Variants in ITGB6 observed in about 807,000 individuals in gnomAD.
ITGB6 encodes integrin beta-6.
In ITGB6, 80 loss-of-function variants were observed where a neutral mutation model predicts 84.5. The ratio of observed to expected loss-of-function variants is 0.95; its 90% CI spans 0.79 to 1.14. ITGB6 has a LOEUF of 1.14. Ranked by LOEUF, ITGB6 falls within the 50% of genes most tolerant of loss-of-function variation. The probability of loss-of-function intolerance (pLI) is 0.00; values close to 1 mark genes in which losing one functional copy is unlikely to be tolerated. For synonymous variants in ITGB6, 383 were observed against 354.9 expected, an observed-to-expected ratio of 1.08 and a Z score of -0.89; for missense variants, 1,006 against 968.0, an observed-to-expected ratio of 1.04 and a Z score of -0.52.
At position 160,169,687 on chromosome 2, in the gene ITGB6, G is replaced by A. The variant is rs188055457; in HGVS notation, c.922-380C>T. On this transcript the variant is annotated intron_variant, in intron 6 of 14. Transcript: ENST00000283249. ...GCAGGCTAGGAATTCCTCAGTCGAG[G>A]GAGGGGCTGTTGGACTATAATATAC... Among the ~76,000 whole-genome samples, 12 of 152,326 alleles carry A rather than the reference G, an allele frequency of 7.9e-5. No homozygotes were observed. The East Asian group carries it at 2.3e-3, about 29-fold the overall frequency.
intron 7 of ITGB6, among the ~76,000 whole-genome samples, chr2:160,164,146 G>T (rs1684917667): frequency 6.6e-6 from 1 of 152,130 alleles, no homozygotes; most frequent in South Asian, 2.1e-4. Context: ...CCCTCATTCT[G>T]TTTTTATAGG....
At chr2:160,174,701 T>C (rs569994114) in intron 4 of ITGB6, among the ~76,000 whole-genome samples, 1 of 152,298 alleles carries the variant, frequency 6.6e-6, no homozygotes, top group South Asian at 2.1e-4. Flanking sequence ...CTACTTAAGG[T>C]ACAATGTTAC....
intron 4 of ITGB6, among the ~76,000 whole-genome samples, chr2:160,176,278 G>T (rs960752344): frequency 2.0e-5 from 3 of 152,196 alleles, no homozygotes; most frequent in Non-Finnish European, 4.4e-5. Flanking sequence ...AGCTCTGGAA[G>T]TGTGTTGGCC....
intron 5 of ITGB6, among the ~76,000 whole-genome samples, chr2:160,173,296 G>A (rs1292842968): frequency 1.3e-5 from 2 of 152,122 alleles, no homozygotes; most frequent in African/African-American, 4.8e-5. Context: ...GTTTAGTAAA[G>A]CCCTCCCCTT....
chr2:160,190,776 G>A (rs1229465510), intron 4 of ITGB6, among the ~76,000 whole-genome samples: 1 of 152,178 alleles, frequency 6.6e-6, no homozygotes, highest in African/African-American at 2.4e-5. Flanking sequence ...TCAAGATGCT[G>A]GGATACTAGT....
At position 160,180,082 on chromosome 2, in the gene ITGB6, T is replaced by C. The variant is rs1050004821; in HGVS notation, c.594-5943A>G. On this transcript the variant is annotated intron_variant, in intron 4 of 14. Coordinates refer to ENST00000283249, the MANE Select transcript of ITGB6 (RefSeq NM_000888.5). ...GAGCCAAGATCATGCCATTGCACTCTAGCCTGGTCATCAAGAGTGAAACTC... is the reference window on the plus strand; with the variant it reads ...GAGCCAAGATCATGCCATTGCACTCCAGCCTGGTCATCAAGAGTGAAACTC... 4.1e-4 allele frequency among the ~76,000 whole-genome samples: 59 copies of C among 144,056 alleles called. 1 individual carries two copies. The highest frequency in any genetic ancestry group is 1.6e-3 in the African/African-American group (59 of 37,910). The allele number at this position is 144,056 out of a possible 152,430, so 94.5% of individuals were successfully genotyped here.
intron 12 of ITGB6, among the ~76,000 whole-genome samples, chr2:160,114,655 G>A (rs895365064): frequency 6.6e-6 from 1 of 152,176 alleles, no homozygotes; most frequent in Non-Finnish European, 1.5e-5. Context: ...GACAGTGGGT[G>A]CAGGTCAGTG....
At chr2:160,157,009 A>C (rs1193696670) in intron 7 of ITGB6, among the ~76,000 whole-genome samples, 1 of 152,140 alleles carries the variant, frequency 6.6e-6, no homozygotes, top group Non-Finnish European at 1.5e-5. Flanking sequence ...TGGAGGCTGG[A>C]AGTCTGAGCT....
At chr2:160,185,486 T>C (rs541094585) in intron 4 of ITGB6, among the ~76,000 whole-genome samples, 2 of 152,250 alleles carry the variant, frequency 1.3e-5, no homozygotes, top group Non-Finnish European at 2.9e-5. Context: ...CAAAAACAAA[T>C]GGAAAAACAT....
chr2:160,149,979 G>T (rs1302932156), intron 7 of ITGB6, among the ~76,000 whole-genome samples: 1 of 152,224 alleles, frequency 6.6e-6, no homozygotes, highest in East Asian at 1.9e-4. Flanking sequence ...ATCTATGTCT[G>T]ATTGGTGTAC....
At chr2:160,159,295 C>T (rs116771603) in intron 7 of ITGB6, among the ~76,000 whole-genome samples, 2,282 of 152,230 alleles carry the variant, frequency 0.015, 58 homozygotes, top group African/African-American at 0.052. Context: ...GTGTAGCCTA[C>T]ACATTGGGTT....
At chr2:160,172,474 CACCAAGTGTATGTTATTTCACATGTATT>C in intron 6 of ITGB6, 67 bp downstream of exon 6, 3 of 1,209,262 alleles carry the variant, frequency 2.5e-6, no homozygotes, top group Non-Finnish European at 2.3e-6. Context: ...GCACTGCTTT[CACCAAGTGTATGTTATTTCACATGTATT>C]ACACTAGTTG....
At chr2:160,180,130 A>G (rs201944160) in intron 4 of ITGB6, among the ~76,000 whole-genome samples, 1 of 145,268 alleles carries the variant, frequency 6.9e-6, no homozygotes, top group East Asian at 2.4e-4. Context: ...AAAAAAAAAC[A>G]AACAAAAAAA....
At chr2:160,155,626 T>C (rs1206402691) in intron 7 of ITGB6, among the ~76,000 whole-genome samples, 3 of 152,072 alleles carry the variant, frequency 2.0e-5, no homozygotes, top group Non-Finnish European at 4.4e-5. Context: ...GCTTGAAAAA[T>C]TTGTTTTTAA....
intron 12 of ITGB6, among the ~76,000 whole-genome samples, chr2:160,116,840 C>CA (rs1049527385): frequency 6.6e-6 from 1 of 150,692 alleles, no homozygotes; most frequent in African/African-American, 2.4e-5. Flanking sequence ...AAATGGAAAA[C>CA]AAAAAAAGGC....
intron 7 of ITGB6, 151 bp from the exon 8 acceptor site, chr2:160,142,222 A>G (rs1381651220): frequency 5.1e-6 from 3 of 583,010 alleles, no homozygotes; most frequent in Non-Finnish European, 9.2e-6. Context: ...CTGAAACTGT[A>G]GCCTTTACTT....
rs540109604 is a variant in ITGB6, at chr2:160,107,701, C to T, written c.2246G>A (p.Arg749Gln). The change falls in exon 14 of 15, where the codon CGA becomes CAA. Residue 749 changes from arginine (R) to glutamine (Q), a missense_variant. Coordinates refer to ENST00000283249, the MANE Select transcript of ITGB6 (RefSeq NM_000888.5). ...TACCGTTTGCCACTTGGCTTTTGATCGTTCTGCTTCAAATTTGGCAACTTC... is the reference window on the plus strand; with the variant it reads ...TACCGTTTGCCACTTGGCTTTTGATTGTTCTGCTTCAAATTTGGCAACTTC... ...RKEVAKFEAE[R>Q]SKAKWQTGTN... 2.2e-5 allele frequency: 35 copies of T among 1,613,978 alleles called. No individual in the cohort carries two copies. In the East Asian group the frequency reaches 5.3e-4, roughly 25 times the overall value.
At chr2:160,104,800 TG>T (rs1200255572) in intron 14 of ITGB6, among the ~76,000 whole-genome samples, 1 of 152,150 alleles carries the variant, frequency 6.6e-6, no homozygotes, top group Non-Finnish European at 1.5e-5. Context: ...TATGTGGGGG[TG>T]GGCATTATTT....
chr2:160,115,311 A>G (rs1260217100), intron 12 of ITGB6, among the ~76,000 whole-genome samples: 1 of 152,196 alleles, frequency 6.6e-6, no homozygotes, highest in African/African-American at 2.4e-5. Context: ...CCAGAGGAAT[A>G]TCAGGCAGCA....
Sources: gnomAD v4.1 joint callset for allele counts (sites outside exome capture counted in the v4.1 genomes callset) on GRCh38, gnomAD v4.1.1 for gene constraint, MANE v1.5 for transcripts, NCBI Gene and HGNC (gene_info 2026-07-23, HGNC 2026-07-21) for gene names.